The following PTER variants were observed in gnomAD, a reference collection of about 807,000 sequenced individuals.
PTER encodes the protein phosphotriesterase related.
In PTER, 38 loss-of-function variants were observed where a neutral mutation model predicts 29.6. That is an observed-to-expected ratio of 1.28 (90% CI 0.99 to 1.68). PTER has a LOEUF of 1.68. Among genes scored for constraint, PTER ranks in the 40% most tolerant of loss-of-function variants. The pLI, the probability that PTER is intolerant of heterozygous loss-of-function variation, is 0.00. For synonymous variants in PTER, 172 were observed against 154.5 expected (o/e 1.11, Z -0.84); for missense variants, 482 against 427.8 (o/e 1.13, Z -1.12).
chr10:16,515,377 C>T (rs1034607903), downstream of PTER, among the ~76,000 whole-genome samples: 6 of 151,982 alleles, frequency 3.9e-5, no homozygotes, highest in African/African-American at 1.4e-4. Flanking sequence ...TCCATCGTGT[C>T]TTTTTATTAC....
At chr10:16,507,168 A>G (rs1836604985) in intron 4 of PTER, among the ~76,000 whole-genome samples, 1 of 149,954 alleles carries the variant, frequency 6.7e-6, no homozygotes, top group African/African-American at 2.5e-5. Context: ...AGGGCAAATA[A>G]GTGGACTGCA....
intron 1 of PTER, among the ~76,000 whole-genome samples, chr10:16,470,875 C>CT (rs941420626): frequency 1.1e-3 from 157 of 149,116 alleles, no homozygotes; most frequent in African/African-American, 3.3e-3. Context: ...GTTCTTGATT[C>CT]TTTTTTTTTT....
At chr10:16,470,225 G>A (rs1834995902) in intron 1 of PTER, among the ~76,000 whole-genome samples, 1 of 152,124 alleles carries the variant, frequency 6.6e-6, no homozygotes, top group Non-Finnish European at 1.5e-5. Flanking sequence ...ATGCATTCGT[G>A]AAAATTTGAG....
intron 1 of PTER, among the ~76,000 whole-genome samples, chr10:16,458,867 G>A (rs1343960701): frequency 1.3e-5 from 2 of 152,060 alleles, no homozygotes; most frequent in Non-Finnish European, 2.9e-5. Flanking sequence ...CAGCCTTTTT[G>A]TTTCATTTTT....
chr10:16,443,160 G>T (rs903136414), intron 1 of PTER, among the ~76,000 whole-genome samples: 2 of 152,154 alleles, frequency 1.3e-5, no homozygotes, highest in Admixed American at 1.3e-4. Context: ...CTGGCAGCTG[G>T]AAGTCCCAGA....
chr10:16,493,663 C>T (rs34264201), intron 3 of PTER, among the ~76,000 whole-genome samples: 17 of 144,856 alleles, frequency 1.2e-4, no homozygotes, highest in Admixed American at 1.1e-3. Flanking sequence ...ACATGCAGAA[C>T]GTATGGAAGG....
At chr10:16,516,224 T>C (rs1285601211), downstream of PTER, among the ~76,000 whole-genome samples, 2 of 152,162 alleles carry the variant, frequency 1.3e-5, no homozygotes, top group Non-Finnish European at 2.9e-5. Context: ...TAATTATGCT[T>C]GGAAGCACTG....
downstream of PTER, chr10:16,513,947 C>T: frequency 5.1e-6 from 1 of 196,012 alleles, no homozygotes; most frequent in Non-Finnish European, 1.0e-5. Flanking sequence ...TGGGAATTCC[C>T]TCAAATCCAG....
At chr10:16,486,326 A>T (rs745468784) in intron 2 of PTER, 26 bp from the exon 3 acceptor site, 2 of 1,589,660 alleles carry the variant, frequency 1.3e-6, no homozygotes, top group South Asian at 2.3e-5. Flanking sequence ...AACCTATAAA[A>T]TATATTCCTT....
At chr10:16,487,954 T>A (rs1835764529) in intron 3 of PTER, among the ~76,000 whole-genome samples, 1 of 152,068 alleles carries the variant, frequency 6.6e-6, no homozygotes, top group South Asian at 2.1e-4. Context: ...CACTCCAGCC[T>A]AGGCAACAGA....
chr10:16,453,079 A>T (rs1055437331), intron 1 of PTER, among the ~76,000 whole-genome samples: 3 of 151,776 alleles, frequency 2.0e-5, no homozygotes, highest in African/African-American at 7.3e-5. Flanking sequence ...TATAATAGAG[A>T]TGGGGTCTCA....
chr10:16,482,787 A>AT (rs1835527250), intron 1 of PTER, among the ~76,000 whole-genome samples: 1 of 151,368 alleles, frequency 6.6e-6, no homozygotes, highest in African/African-American at 2.4e-5. Flanking sequence ...ATGTACTTAA[A>AT]ATTTTTTTTT....
chr10:16,442,052 G>A (rs1185769409), intron 1 of PTER, among the ~76,000 whole-genome samples: 1 of 152,034 alleles, frequency 6.6e-6, no homozygotes, highest in Non-Finnish European at 1.5e-5. Flanking sequence ...GCTTAATTGG[G>A]TAATTATTTG....
intron 4 of PTER, 114 bp downstream of exon 4, chr10:16,505,274 C>G: frequency 7.6e-7 from 1 of 1,314,532 alleles, no homozygotes. Context: ...GAACCACAGA[C>G]TTGCAGAGAA....
intron 1 of PTER, among the ~76,000 whole-genome samples, chr10:16,450,881 G>A (rs1463779345): frequency 6.6e-6 from 1 of 152,190 alleles, no homozygotes; most frequent in Non-Finnish European, 1.5e-5. Context: ...TGAATCAGGA[G>A]TATCAAATGC....
intron 1 of PTER, among the ~76,000 whole-genome samples, chr10:16,439,938 C>T (rs1434264108): frequency 1.3e-5 from 2 of 152,154 alleles, no homozygotes; most frequent in African/African-American, 4.8e-5. Flanking sequence ...CTCGAGTCTG[C>T]TCAGTATCCC....
intron 1 of PTER, among the ~76,000 whole-genome samples, chr10:16,442,841 A>G (rs916825957): frequency 6.6e-6 from 1 of 152,114 alleles, no homozygotes; most frequent in Non-Finnish European, 1.5e-5. Flanking sequence ...TTAGCCAGGC[A>G]TACGTCTGTA....
At chr10:16,454,811 T>C (rs1834336269) in intron 1 of PTER, among the ~76,000 whole-genome samples, 1 of 151,844 alleles carries the variant, frequency 6.6e-6, no homozygotes, top group South Asian at 2.1e-4. Flanking sequence ...TAAATACTAA[T>C]ATATAATAAT....
chr10:16,467,265 G>A (rs569138357), intron 1 of PTER, among the ~76,000 whole-genome samples: 2 of 152,084 alleles, frequency 1.3e-5, no homozygotes, highest in Non-Finnish European at 2.9e-5. Flanking sequence ...ATTAGTTATT[G>A]TTGCTAATCT....
Sources: gnomAD v4.1 joint callset for allele counts (sites outside exome capture counted in the v4.1 genomes callset) on GRCh38, gnomAD v4.1.1 for gene constraint, MANE v1.5 for transcripts, NCBI Gene and HGNC (gene_info 2026-07-23, HGNC 2026-07-21) for gene names.